Variants in MAML2 observed in about 807,000 individuals in gnomAD.
MAML2 encodes the protein mastermind like transcriptional coactivator 2.
Under a neutral mutation model 96.1 loss-of-function variants are expected in MAML2, and 22 were observed. The observed-to-expected ratio is 0.23, with a 90% CI of 0.16 to 0.33. The LOEUF (loss-of-function observed/expected upper bound fraction) is 0.33, where lower values mean the gene tolerates loss of function less well. Ranked by LOEUF, MAML2 falls within the 10% of genes least tolerant of loss-of-function variation. The pLI, the probability that MAML2 is intolerant of heterozygous loss-of-function variation, is 1.00. For synonymous variants in MAML2, 561 were observed against 521.3 expected, an observed-to-expected ratio of 1.08 and a Z score of -1.04; for missense variants, 1,367 against 1,392.4, an observed-to-expected ratio of 0.98 and a Z score of 0.29.
At position 96,004,613 on chromosome 11, in the gene MAML2, A is replaced by G. The variant is rs921546340; in HGVS notation, c.2140-12890T>C. ...CCCATGAGAATATATTGTAATGATG[A>G]AAAAAAATGGAGCTTTTGTAGTTAG... On this transcript the variant is annotated intron_variant, in intron 2 of 4. Coordinates refer to ENST00000524717, the MANE Select transcript of MAML2 (RefSeq NM_032427.4). 4.6e-5 allele frequency among the ~76,000 whole-genome samples: 7 copies of G among 151,804 alleles called. No homozygotes were observed. The East Asian group carries it at 1.4e-3, about 30-fold the overall frequency.
intron 1 of MAML2, among the ~76,000 whole-genome samples, chr11:96,180,094 A>C (rs16923184): frequency 6.6e-6 from 1 of 152,210 alleles, no homozygotes; most frequent in African/African-American, 2.4e-5. Flanking sequence ...AATACTGAAG[A>C]ATGCAGAATT....
At chr11:96,244,281 T>C (rs1862482799) in intron 1 of MAML2, among the ~76,000 whole-genome samples, 1 of 152,232 alleles carries the variant, frequency 6.6e-6, no homozygotes, top group Non-Finnish European at 1.5e-5. Context: ...GGTATCTTAA[T>C]AAGACAAGGT....
chr11:95,999,871 A>G (rs1858054908), intron 2 of MAML2, among the ~76,000 whole-genome samples: 2 of 152,190 alleles, frequency 1.3e-5, no homozygotes, highest in Admixed American at 6.5e-5. Context: ...TTGCTATTCA[A>G]TCTTTCTTCT....
At position 95,977,055 on chromosome 11, in the gene MAML2, A is replaced by T; in HGVS notation, c.*1893T>A. 5.0e-6 allele frequency: 1 copy of T among 201,518 alleles called. No individual in the cohort carries two copies. The highest frequency in any genetic ancestry group is 7.6e-5 in the East Asian group (1 of 13,112). 12.5% of individuals were successfully genotyped at this position (201,518 alleles called of 1,614,324 possible). On this transcript the variant is annotated 3_prime_UTR_variant, in exon 5 of 5. Coordinates refer to ENST00000524717, the MANE Select transcript of MAML2 (RefSeq NM_032427.4). ...TTCTTATTGAGGTTTCAGAATATAAATTTGTCTAACAAGCCTCTTGATAGT... is the reference window on the plus strand; with the variant it reads ...TTCTTATTGAGGTTTCAGAATATAATTTTGTCTAACAAGCCTCTTGATAGT...
At chr11:96,337,880 G>A (rs1396218397) in intron 1 of MAML2, among the ~76,000 whole-genome samples, 2 of 152,156 alleles carry the variant, frequency 1.3e-5, no homozygotes, top group Non-Finnish European at 2.9e-5. Context: ...CAACAAGCTG[G>A]GGCAGCATGA....
rs1591142793 is a variant in MAML2, at chr11:96,342,095, T to C, written c.-200A>G. The C allele has an allele frequency of 1.3e-5, 7 of 554,220 alleles. No individual in the cohort carries two copies. The East Asian group carries it at 1.7e-4, about 14-fold the overall frequency. The allele number at this position is 554,220 out of a possible 1,614,324, so 34.3% of individuals were successfully genotyped here. A position where few individuals can be genotyped will look rare whatever the true frequency, so the allele number is the denominator to read the frequency against. ...GTAAAAAGAGGGTGGGGAGAAAGAATAGAAACCAACTGGGGGGAGGATAAG... is the reference window on the plus strand; with the variant it reads ...GTAAAAAGAGGGTGGGGAGAAAGAACAGAAACCAACTGGGGGGAGGATAAG... On this transcript the variant is annotated 5_prime_UTR_variant, in exon 1 of 5. Coordinates refer to ENST00000524717, the MANE Select transcript of MAML2 (RefSeq NM_032427.4).
chr11:96,121,465 T>G (rs971231487), intron 1 of MAML2, among the ~76,000 whole-genome samples: 3 of 152,148 alleles, frequency 2.0e-5, no homozygotes, highest in African/African-American at 7.2e-5. Context: ...AAAAAACATT[T>G]AACAGACATG....
rs555473672 is a variant in MAML2, at chr11:96,227,137, T to C, written c.513+114246A>G. 2.8e-4 allele frequency among the ~76,000 whole-genome samples: 42 copies of C among 152,326 alleles called. 2 individuals are homozygous for C. The South Asian group carries it at 8.1e-3, about 29-fold the overall frequency. On this transcript the variant is annotated intron_variant, in intron 1 of 4. Coordinates refer to ENST00000524717, the MANE Select transcript of MAML2 (RefSeq NM_032427.4). ...GCAAGTTCTCTCTGCTTAGCTATCATGTTAATCCTTCAGATCTGAAAGCAT... is the reference window on the plus strand; with the variant it reads ...GCAAGTTCTCTCTGCTTAGCTATCACGTTAATCCTTCAGATCTGAAAGCAT...
intron 2 of MAML2, among the ~76,000 whole-genome samples, chr11:96,070,636 C>T (rs1443570132): frequency 6.6e-6 from 1 of 152,276 alleles, no homozygotes; most frequent in Non-Finnish European, 1.5e-5. Context: ...TTGCCAGACC[C>T]CGTGCTCGTT....
chr11:96,167,791 G>A (rs960446219), intron 1 of MAML2, among the ~76,000 whole-genome samples: 7 of 152,142 alleles, frequency 4.6e-5, no homozygotes, highest in African/African-American at 1.4e-4. Flanking sequence ...GCTAGAAGAA[G>A]CTAAAGAGAC....
rs529433606 is a variant in MAML2 at position 96,173,250 on chromosome 11, G to C, written c.514-79733C>G. ...CACCAAAGGAAGAGCCTCAAATGTA[G>C]AGTATATTTTTTCTCTTTCTACCAT... is the stretch of plus-strand genomic sequence containing the variant. On this transcript the variant is annotated intron_variant, in intron 1 of 4. Coordinates refer to ENST00000524717, the MANE Select transcript of MAML2 (RefSeq NM_032427.4). Among the ~76,000 whole-genome samples the C allele has an allele frequency of 2.6e-5, 4 of 152,274 alleles. No homozygotes were observed. The South Asian group carries it at 8.3e-4, about 32-fold the overall frequency.
chr11:96,314,601 CCTT>C (rs1305926936), intron 1 of MAML2, among the ~76,000 whole-genome samples: 2 of 152,220 alleles, frequency 1.3e-5, no homozygotes, highest in African/African-American at 2.4e-5. Context: ...TGTTTCAACT[CCTT>C]CTGCTAAGAT....
chr11:96,285,189 A>C (rs1017860520), intron 1 of MAML2, among the ~76,000 whole-genome samples: 3 of 152,272 alleles, frequency 2.0e-5, no homozygotes, highest in African/African-American at 7.2e-5. Flanking sequence ...ACGTCTACTC[A>C]TATTTCTACT....
At chr11:96,015,920 T>A (rs575704100) in intron 2 of MAML2, among the ~76,000 whole-genome samples, 43 of 152,058 alleles carry the variant, frequency 2.8e-4, no homozygotes, top group Admixed American at 8.5e-4. Context: ...TTATTTAACT[T>A]CTCAGGTCAG....
chr11:96,044,297 T>C (rs1858862053), intron 2 of MAML2, among the ~76,000 whole-genome samples: 1 of 152,200 alleles, frequency 6.6e-6, no homozygotes, highest in Admixed American at 6.5e-5. Flanking sequence ...ATGCCTTAAG[T>C]ATTTTGTAGA....
At chr11:96,012,609 G>A (rs1858283992) in intron 2 of MAML2, among the ~76,000 whole-genome samples, 1 of 152,122 alleles carries the variant, frequency 6.6e-6, no homozygotes, top group Admixed American at 6.5e-5. Flanking sequence ...AACATAATAA[G>A]CCGTTAACTC....
At chr11:95,996,858 A>G (rs974870495) in intron 2 of MAML2, among the ~76,000 whole-genome samples, 13 of 152,198 alleles carry the variant, frequency 8.5e-5, no homozygotes, top group African/African-American at 2.9e-4. Context: ...TGTAGAACTT[A>G]ATAGAAATCA....
intron 2 of MAML2, among the ~76,000 whole-genome samples, chr11:95,996,730 C>T (rs1857996090): frequency 6.6e-6 from 1 of 152,144 alleles, no homozygotes. Flanking sequence ...AGCTTGCTGT[C>T]ATTGCCAACA....
chr11:96,148,127 A>G (rs1276753168), intron 1 of MAML2, among the ~76,000 whole-genome samples: 1 of 152,192 alleles, frequency 6.6e-6, no homozygotes, highest in East Asian at 1.9e-4. Flanking sequence ...GGGACATGTT[A>G]AAAGGAACCC....
Sources: allele counts gnomAD v4.1 joint callset (sites outside exome capture counted in the v4.1 genomes callset), GRCh38; gene constraint gnomAD v4.1.1; transcripts MANE v1.5; gene names NCBI Gene and HGNC (gene_info 2026-07-23, HGNC 2026-07-21).